The following CNTN5 variants were observed in gnomAD, a reference collection of about 807,000 sequenced individuals.
The protein encoded by CNTN5 is contactin-5.
Under a neutral mutation model 129.1 loss-of-function variants are expected in CNTN5, and 77 were observed. The ratio of observed to expected loss-of-function variants is 0.60; its 90% CI spans 0.50 to 0.72. The LOEUF is 0.72. Among genes scored for constraint, CNTN5 ranks in the 30% least tolerant of loss-of-function variants. CNTN5 has a pLI of 0.00. For synonymous variants in CNTN5, 509 were observed against 465.6 expected (o/e 1.09, Z -1.20); for missense variants, 1,478 against 1,328.8 (o/e 1.11, Z -1.75).
intron 2 of CNTN5, among the ~76,000 whole-genome samples, chr11:99,448,035 T>G (rs1002668383): frequency 1.3e-5 from 2 of 152,194 alleles, no homozygotes; most frequent in African/African-American, 4.8e-5. Flanking sequence ...CTTGAATAAA[T>G]TATTTTATAA....
chr11:99,286,511 G>T (rs1863946851), intron 1 of CNTN5, among the ~76,000 whole-genome samples: 1 of 152,030 alleles, frequency 6.6e-6, no homozygotes, highest in South Asian at 2.1e-4. Flanking sequence ...GAGACTTAAT[G>T]TTAAAAATGG....
chr11:99,789,262 T>G (rs1193777431), intron 3 of CNTN5, among the ~76,000 whole-genome samples: 2 of 151,944 alleles, frequency 1.3e-5, no homozygotes, highest in African/African-American at 4.8e-5. Flanking sequence ...TTCATACATA[T>G]TTTCTCAATA....
chr11:100,072,940 C>A (rs186962770), intron 12 of CNTN5, among the ~76,000 whole-genome samples: 9 of 115,780 alleles, frequency 7.8e-5, no homozygotes, highest in African/African-American at 2.8e-4. Flanking sequence ...CCTTATCATT[C>A]ACAAGAAATA....
chr11:99,994,262 T>G (rs1215528352), intron 8 of CNTN5, among the ~76,000 whole-genome samples: 1 of 152,098 alleles, frequency 6.6e-6, no homozygotes, highest in Non-Finnish European at 1.5e-5. Context: ...ATAGTGTCAT[T>G]AACTCTTTGG....
chr11:99,065,160 G>A (rs917513398), intron 1 of CNTN5, among the ~76,000 whole-genome samples: 1 of 137,408 alleles, frequency 7.3e-6, no homozygotes, highest in Non-Finnish European at 1.6e-5. Context: ...GCCTGTTAGA[G>A]TCTGTGTTTC....
chr11:99,265,815 T>C (rs1314316037), intron 1 of CNTN5, among the ~76,000 whole-genome samples: 1 of 152,068 alleles, frequency 6.6e-6, no homozygotes, highest in Non-Finnish European at 1.5e-5. Flanking sequence ...GGCTTTAAAA[T>C]AATAAAATCT....
intron 3 of CNTN5, among the ~76,000 whole-genome samples, chr11:99,794,543 C>T (rs182900101): frequency 6.6e-6 from 1 of 152,020 alleles, no homozygotes; most frequent in Non-Finnish European, 1.5e-5. Context: ...CTTAAGTGTG[C>T]TTTTGTTGTG....
At chr11:99,307,542 A>G (rs576311152) in intron 1 of CNTN5, among the ~76,000 whole-genome samples, 3 of 152,182 alleles carry the variant, frequency 2.0e-5, no homozygotes, top group Non-Finnish European at 4.4e-5. Context: ...TCACAGATTC[A>G]TCTGCCTATA....
chr11:99,024,860 C>A (rs1021800872), intron 1 of CNTN5, among the ~76,000 whole-genome samples: 1 of 151,888 alleles, frequency 6.6e-6, no homozygotes, highest in African/African-American at 2.4e-5. Context: ...TCATGAGAAT[C>A]TTAAGAAATT....
chr11:100,042,488 C>T (rs1942438537), intron 9 of CNTN5, among the ~76,000 whole-genome samples: 1 of 152,148 alleles, frequency 6.6e-6, no homozygotes, highest in Admixed American at 6.5e-5. Context: ...CTCCATTAGA[C>T]AGACCTACAA....
intron 3 of CNTN5, among the ~76,000 whole-genome samples, chr11:99,718,019 A>G (rs1943038694): frequency 6.6e-6 from 1 of 152,052 alleles, no homozygotes; most frequent in Non-Finnish European, 1.5e-5. Flanking sequence ...CCTACATTTT[A>G]ATTATAAATT....
chr11:99,548,442 G>A (rs1468971309), intron 2 of CNTN5, among the ~76,000 whole-genome samples: 1 of 152,230 alleles, frequency 6.6e-6, no homozygotes, highest in African/African-American at 2.4e-5. Context: ...ACAGCTAAGT[G>A]TTTGCCTTAT....
chr11:100,079,108 C>T (rs113932917), intron 13 of CNTN5, among the ~76,000 whole-genome samples: 28 of 152,184 alleles, frequency 1.8e-4, no homozygotes, highest in Non-Finnish European at 2.9e-4. Context: ...GAACAGCGTG[C>T]GGAATACCAC....
At chr11:99,990,449 T>TACACACACAC (rs1241963020) in intron 8 of CNTN5, among the ~76,000 whole-genome samples, 46 of 75,702 alleles carry the variant, frequency 6.1e-4, no homozygotes, top group Admixed American at 2.5e-3. Flanking sequence ...TTAGAATATA[T>TACACACACAC]ATATATACAC....
chr11:100,156,484 C>T (rs1947247509), intron 13 of CNTN5, among the ~76,000 whole-genome samples: 1 of 151,966 alleles, frequency 6.6e-6, no homozygotes, highest in African/African-American at 2.4e-5. Flanking sequence ...GTGCCTCTGC[C>T]TGGTTTTGGT....
At chr11:99,271,403 G>T (rs1362926893) in intron 1 of CNTN5, among the ~76,000 whole-genome samples, 2 of 151,562 alleles carry the variant, frequency 1.3e-5, no homozygotes, top group African/African-American at 2.4e-5. Flanking sequence ...TTTATTTATG[G>T]GATGGGGAAA....
intron 8 of CNTN5, among the ~76,000 whole-genome samples, chr11:99,961,222 A>AAC (rs1555167392): frequency 1.4e-5 from 2 of 140,294 alleles, no homozygotes; most frequent in Non-Finnish European, 3.2e-5. Flanking sequence ...AAAAAAAAAA[A>AAC]AAACAGTAGA....
At chr11:100,117,064 G>A (rs1945863377) in intron 13 of CNTN5, among the ~76,000 whole-genome samples, 1 of 151,912 alleles carries the variant, frequency 6.6e-6, no homozygotes, top group African/African-American at 2.4e-5. Flanking sequence ...CTTGTATTCA[G>A]TTAAAAAATA....
At chr11:99,964,602 T>A (rs187237945) in intron 8 of CNTN5, among the ~76,000 whole-genome samples, 1 of 151,530 alleles carries the variant, frequency 6.6e-6, no homozygotes, top group Admixed American at 6.7e-5. Context: ...TCATCAGGGA[T>A]TTTGGTCTAA....
Sources: allele counts gnomAD v4.1 joint callset (sites outside exome capture counted in the v4.1 genomes callset), GRCh38; gene constraint gnomAD v4.1.1; transcripts MANE v1.5; gene names NCBI Gene and HGNC (gene_info 2026-07-23, HGNC 2026-07-21).